Variants in ANTXR1 observed in about 807,000 individuals in gnomAD.
ANTXR1 encodes anthrax toxin receptor 1.
A neutral mutation model predicts 78.1 loss-of-function variants in ANTXR1; 19 were observed. The ratio of observed to expected loss-of-function variants is 0.24; its 90% CI spans 0.17 to 0.36. ANTXR1 has a LOEUF of 0.36. Among genes scored for constraint, ANTXR1 ranks in the 10% least tolerant of loss-of-function variants. The pLI, the probability that ANTXR1 is intolerant of heterozygous loss-of-function variation, is 1.00. For missense variants in ANTXR1, 518 were observed against 718.6 expected, an observed-to-expected ratio of 0.72 and a Z score of 3.19; for synonymous variants, 273 against 260.5, an observed-to-expected ratio of 1.05 and a Z score of -0.46.
In ANTXR1 at chr2:69,127,375, A is replaced by G. The variant is rs144099553; in HGVS notation, c.951+2732A>G. Among the ~76,000 whole-genome samples, 580 of 152,118 alleles carry G rather than the reference A, an allele frequency of 3.8e-3. 3 individuals carry two copies. Among genetic ancestry groups the G allele is most frequent in the Non-Finnish European group, 5.6e-3 (378 of 67,980 alleles). On this transcript the variant is annotated intron_variant, in intron 12 of 17. Coordinates refer to ENST00000303714, the MANE Select transcript of ANTXR1 (RefSeq NM_032208.3). Reference sequence around the variant, plus strand: ...TCATGCTAAGACCCTGTGGCCAGCGATCCTTGGTGTTCACAGAAGAGCAGG... The same window carrying G: ...TCATGCTAAGACCCTGTGGCCAGCGGTCCTTGGTGTTCACAGAAGAGCAGG...
chr2:69,087,494 T>C (rs887761549), intron 8 of ANTXR1, among the ~76,000 whole-genome samples: 3 of 152,152 alleles, frequency 2.0e-5, no homozygotes, highest in African/African-American at 7.2e-5. Context: ...CTTTCCAAAA[T>C]TGGGGTTCAG....
At chr2:69,125,765 C>CGAGAG (rs1672514163) in intron 12 of ANTXR1, among the ~76,000 whole-genome samples, 1 of 151,900 alleles carries the variant, frequency 6.6e-6, no homozygotes, top group Admixed American at 6.6e-5. Flanking sequence ...GGCTTGAGCC[C>CGAGAG]GAGAGGTGGA....
At chr2:69,096,074 CG>C in intron 9 of ANTXR1, among the ~76,000 whole-genome samples, 1 of 151,862 alleles carries the variant, frequency 6.6e-6, no homozygotes, top group East Asian at 2.0e-4. Flanking sequence ...CTGGCTAACA[CG>C]GTGAAACCCC....
chr2:69,185,951 T>C (rs1674406302), intron 16 of ANTXR1, among the ~76,000 whole-genome samples: 1 of 152,194 alleles, frequency 6.6e-6, no homozygotes, highest in Non-Finnish European at 1.5e-5. Context: ...CTCCTTCTAC[T>C]GTAGAGGAAA....
At chr2:69,086,797 C>T (rs1047182930) in intron 8 of ANTXR1, among the ~76,000 whole-genome samples, 5 of 152,178 alleles carry the variant, frequency 3.3e-5, no homozygotes, top group Non-Finnish European at 7.3e-5. Context: ...GTCATTTTGA[C>T]CACTCTTCTT....
chr2:69,188,073 A>G (rs113945634), intron 16 of ANTXR1, among the ~76,000 whole-genome samples: 1 of 141,820 alleles, frequency 7.1e-6, no homozygotes, highest in Non-Finnish European at 1.5e-5. Flanking sequence ...AGGAAACCCC[A>G]CCACAAAAGC....
chr2:69,140,997 G>T (rs142213764), intron 12 of ANTXR1, among the ~76,000 whole-genome samples: 2,145 of 152,254 alleles, frequency 0.014, 27 homozygotes, highest in Middle Eastern at 0.031. Context: ...CCTCATTTAT[G>T]GTTGATCAGC....
chr2:69,176,652 T>C (rs1246812542), intron 14 of ANTXR1, among the ~76,000 whole-genome samples: 2 of 152,208 alleles, frequency 1.3e-5, no homozygotes, highest in African/African-American at 4.8e-5. Context: ...TGCTGGCAGG[T>C]GATGGGGACT....
intron 17 of ANTXR1, among the ~76,000 whole-genome samples, chr2:69,209,662 A>C (rs530681210): frequency 5.3e-5 from 8 of 152,350 alleles, no homozygotes; most frequent in Admixed American, 3.3e-4. Context: ...TCTGAATAAC[A>C]AGAGGGAGCT....
At chr2:69,083,608 T>A (rs1388839249) in intron 8 of ANTXR1, among the ~76,000 whole-genome samples, 8 of 152,148 alleles carry the variant, frequency 5.3e-5, no homozygotes, top group Admixed American at 2.0e-4. Context: ...GTGTCATATT[T>A]CCCATGATAT....
chr2:69,158,902 C>T (rs922085022), intron 13 of ANTXR1, among the ~76,000 whole-genome samples: 2 of 152,218 alleles, frequency 1.3e-5, no homozygotes, highest in African/African-American at 4.8e-5. Context: ...GTACCATGAA[C>T]TCCTCCATGG....
At position 69,170,256 on chromosome 2, in the gene ANTXR1, G is replaced by A. The variant is rs1673944390; in HGVS notation, c.1056G>A (p.Lys352=). The A allele has an allele frequency of 6.2e-7, 1 of 1,614,008 alleles. No homozygotes were observed. Among genetic ancestry groups the A allele is most frequent in the African/African-American group, 1.3e-5 (1 of 74,910 alleles). The stretch of plus-strand genomic sequence containing the variant: ...CTCTGTTTTCTTTTCAGATTATCAA[G>A]GAGGTCCCTCCACCCCCTGCCGAGG... ...FWPLCCTVII[K]EVPPPPAEES... Residue 352 remains lysine (K), a synonymous_variant, in exon 14 of 18, where the codon AAG becomes AAA. Coordinates refer to ENST00000303714, the MANE Select transcript of ANTXR1 (RefSeq NM_032208.3).
At chr2:69,079,121 A>G (rs1434080528) in intron 8 of ANTXR1, among the ~76,000 whole-genome samples, 2 of 152,178 alleles carry the variant, frequency 1.3e-5, no homozygotes, top group African/African-American at 4.8e-5. Flanking sequence ...CAAAGAATAT[A>G]TGCCTCCTCA....
chr2:69,119,909 C>G (rs1459335248), intron 10 of ANTXR1, among the ~76,000 whole-genome samples: 2 of 152,208 alleles, frequency 1.3e-5, no homozygotes, highest in Non-Finnish European at 2.9e-5. Flanking sequence ...TTAAATTTGA[C>G]TAAGTGACAT....
intron 13 of ANTXR1, among the ~76,000 whole-genome samples, chr2:69,169,171 G>A (rs567305832): frequency 2.0e-4 from 31 of 152,342 alleles, no homozygotes; most frequent in African/African-American, 4.3e-4. Context: ...CCGGCTCCCC[G>A]ACTGGAGGAA....
chr2:69,236,900 G>T (rs1481714584), intron 17 of ANTXR1, among the ~76,000 whole-genome samples: 2 of 152,170 alleles, frequency 1.3e-5, no homozygotes, highest in Non-Finnish European at 2.9e-5. Flanking sequence ...ACCACTGGGT[G>T]TGTGTCTGTG....
chr2:69,161,227 A>G (rs1673674857), intron 13 of ANTXR1, among the ~76,000 whole-genome samples: 1 of 152,212 alleles, frequency 6.6e-6, no homozygotes, highest in African/African-American at 2.4e-5. Context: ...ATGCACAGCC[A>G]TTCTCTCACA....
At chr2:69,022,684 C>T (rs1392146985) in intron 1 of ANTXR1, among the ~76,000 whole-genome samples, 1 of 152,218 alleles carries the variant, frequency 6.6e-6, no homozygotes, top group African/African-American at 2.4e-5. Flanking sequence ...CCAGGTGATT[C>T]TGATTCAGGT....
chr2:69,240,939 T>C (rs1675880230), intron 17 of ANTXR1, among the ~76,000 whole-genome samples: 2 of 152,188 alleles, frequency 1.3e-5, no homozygotes, highest in African/African-American at 4.8e-5. Flanking sequence ...CAAATCAAAA[T>C]GGCACTTTCA....
Sources: allele counts gnomAD v4.1 joint callset (sites outside exome capture counted in the v4.1 genomes callset), GRCh38; gene constraint gnomAD v4.1.1; transcripts MANE v1.5; gene names NCBI Gene and HGNC (gene_info 2026-07-23, HGNC 2026-07-21).